PLCB1: variants seen among roughly 807,000 people sequenced by gnomAD.
PLCB1 encodes the protein phospholipase C beta 1.
In PLCB1, 46 loss-of-function variants were observed where a neutral mutation model predicts 161.8. The observed-to-expected ratio is 0.28, with a 90% CI of 0.22 to 0.36. PLCB1 has a LOEUF of 0.36. Ranked by LOEUF, PLCB1 falls within the 10% of genes least tolerant of loss-of-function variation. PLCB1 has a pLI of 1.00. For missense variants in PLCB1, 1,016 were observed against 1,472.5 expected, an observed-to-expected ratio of 0.69 and a Z score of 5.07; for synonymous variants, 517 against 503.7, an observed-to-expected ratio of 1.03 and a Z score of -0.35.
intron 3 of PLCB1, among the ~76,000 whole-genome samples, chr20:8,478,304 T>C (rs1982364289): frequency 6.6e-6 from 1 of 152,190 alleles, no homozygotes; most frequent in South Asian, 2.1e-4. Context: ...TCGTGTGTTA[T>C]TAAGTTATGA....
intron 3 of PLCB1, among the ~76,000 whole-genome samples, chr20:8,398,142 C>A (rs559618219): frequency 6.6e-6 from 1 of 151,990 alleles, no homozygotes; most frequent in Non-Finnish European, 1.5e-5. Flanking sequence ...GTGATCAATA[C>A]ATTTTAACTT....
intron 1 of PLCB1, among the ~76,000 whole-genome samples, chr20:8,144,460 C>T (rs2051434373): frequency 6.6e-6 from 1 of 152,180 alleles, no homozygotes. Context: ...TTGCTTCTCT[C>T]CACTGTTTTG....
At chr20:8,271,320 T>C (rs1175116918) in intron 2 of PLCB1, among the ~76,000 whole-genome samples, 1 of 152,144 alleles carries the variant, frequency 6.6e-6, no homozygotes. Flanking sequence ...TAGTAGGTTA[T>C]ATGATTGAAA....
chr20:8,721,120 T>G (rs1979607777), intron 14 of PLCB1, among the ~76,000 whole-genome samples: 1 of 152,226 alleles, frequency 6.6e-6, no homozygotes, highest in South Asian at 2.1e-4. Context: ...AAGCAATACT[T>G]TTTTCACTAC....
intron 2 of PLCB1, among the ~76,000 whole-genome samples, chr20:8,150,902 A>T (rs1248122152): frequency 6.6e-6 from 1 of 152,180 alleles, no homozygotes; most frequent in Non-Finnish European, 1.5e-5. Flanking sequence ...GGAATTTCTT[A>T]CTAAATTAGC....
At chr20:8,718,250 G>C (rs1483829060) in intron 14 of PLCB1, among the ~76,000 whole-genome samples, 1 of 152,090 alleles carries the variant, frequency 6.6e-6, no homozygotes, top group African/African-American at 2.4e-5. Flanking sequence ...TCTGAAATTA[G>C]CTTAGAAGGA....
At chr20:8,558,879 T>C (rs1404080869) in intron 3 of PLCB1, among the ~76,000 whole-genome samples, 1 of 151,772 alleles carries the variant, frequency 6.6e-6, no homozygotes, top group Non-Finnish European at 1.5e-5. Flanking sequence ...AAAAGTAAAA[T>C]ATTTCCAGAT....
chr20:8,726,149 T>C, intron 16 of PLCB1, among the ~76,000 whole-genome samples: 1 of 152,068 alleles, frequency 6.6e-6, no homozygotes, highest in Non-Finnish European at 1.5e-5. Context: ...ATCTCAAAGA[T>C]AACTCAGTTT....
chr20:8,132,770 G>T lies in PLCB1; in HGVS notation c.99+20G>T. The T allele has an allele frequency of 6.4e-7, 1 of 1,570,996 alleles. No homozygotes were observed. The highest frequency in any genetic ancestry group is 1.1e-5 in the South Asian group (1 of 89,564). On this transcript the variant is annotated intron_variant, in intron 1 of 31. Coordinates refer to ENST00000338037, the MANE Select transcript of PLCB1 (RefSeq NM_015192.4). The surrounding 1 kb of genome is among the most constrained non-coding windows in gnomAD (Gnocchi z 5.2). ...GATGATGTAAGTATTGGGGCGGCCC[G>T]AGTCGGGGCGCTGGCTCGGGCACCG...
At chr20:8,549,010 G>A (rs916683924) in intron 3 of PLCB1, among the ~76,000 whole-genome samples, 1 of 152,134 alleles carries the variant, frequency 6.6e-6, no homozygotes, top group Admixed American at 6.6e-5. Context: ...AAAATGGGAA[G>A]GCAAATGAAA....
chr20:8,788,125 C>G (rs1425909592), intron 27 of PLCB1, among the ~76,000 whole-genome samples: 1 of 152,104 alleles, frequency 6.6e-6, no homozygotes, highest in African/African-American at 2.4e-5. Context: ...TTTAATAAGT[C>G]TTAGGGTAGA....
At position 8,881,736 on chromosome 20, in the gene PLCB1, G is replaced by A. The variant is rs1300855863; in HGVS notation, c.3538G>A (p.Gly1180Ser). 5 of 1,613,982 alleles carry A rather than the reference G, an allele frequency of 3.1e-6. No individual in the cohort carries two copies. Among genetic ancestry groups the A allele is most frequent in the Middle Eastern group, 1.7e-4 (1 of 6,058 alleles). The change falls in exon 32 of 32, where the codon GGT (glycine) becomes AGT (serine). Residue 1180 changes from glycine (G) to serine (S), a missense_variant. Transcript: ENST00000338037. ...AAAGATCAGTGAAGACAGCAATCAC[G>A]GTTCTGCCCCTCTCTCCCTGTCCTC... The part of the protein sequence containing the change: ...KGKISEDSNH[G>S]SAPLSLSSDP...
intron 2 of PLCB1, among the ~76,000 whole-genome samples, chr20:8,245,967 T>G (rs995755598): frequency 1.3e-5 from 2 of 151,920 alleles, no homozygotes; most frequent in African/African-American, 4.8e-5. Context: ...TCCTGGATTT[T>G]CCATTTGAGT....
At chr20:8,765,785 T>A (rs959707106) in intron 26 of PLCB1, among the ~76,000 whole-genome samples, 6 of 152,130 alleles carry the variant, frequency 3.9e-5, no homozygotes, top group Admixed American at 3.9e-4. Flanking sequence ...TCTCCAGAGT[T>A]TAAGTGATTC....
intron 9 of PLCB1, among the ~76,000 whole-genome samples, chr20:8,667,253 A>T (rs1173069890): frequency 6.6e-6 from 1 of 152,176 alleles, no homozygotes. Context: ...ATTGATCGAA[A>T]TCTCATTTAA....
At chr20:8,587,908 G>A (rs1172765935) in intron 3 of PLCB1, among the ~76,000 whole-genome samples, 2 of 152,100 alleles carry the variant, frequency 1.3e-5, no homozygotes, top group Non-Finnish European at 1.5e-5. Flanking sequence ...TAAATGAGGT[G>A]ACTTACCAGG....
chr20:8,406,611 C>G (rs1413234767), intron 3 of PLCB1, among the ~76,000 whole-genome samples: 3 of 152,172 alleles, frequency 2.0e-5, no homozygotes, highest in Admixed American at 6.5e-5. Flanking sequence ...TATTCCAAGG[C>G]AGCAAAAGGT....
At chr20:8,146,012 C>T (rs2051449266) in intron 1 of PLCB1, among the ~76,000 whole-genome samples, 1 of 152,072 alleles carries the variant, frequency 6.6e-6, no homozygotes, top group Non-Finnish European at 1.5e-5. Flanking sequence ...CAGTATAGGG[C>T]ATCCATTCTC....
intron 3 of PLCB1, among the ~76,000 whole-genome samples, chr20:8,595,976 A>G (rs1400412106): frequency 8.7e-6 from 1 of 115,284 alleles, no homozygotes; most frequent in Non-Finnish European, 1.9e-5. Flanking sequence ...AATTTGTTTG[A>G]GTTCATTGTA....
Sources: allele counts gnomAD v4.1 joint callset (sites outside exome capture counted in the v4.1 genomes callset), GRCh38; gene constraint gnomAD v4.1.1; non-coding constraint Gnocchi (gnomAD v3.1); transcripts MANE v1.5; gene names NCBI Gene and HGNC (gene_info 2026-07-23, HGNC 2026-07-21).